HTR7: variants seen among roughly 807,000 people sequenced by gnomAD.
The protein encoded by HTR7 is 5-hydroxytryptamine receptor 7, also known as 5-HT-7.
Under a neutral mutation model 34.0 loss-of-function variants are expected in HTR7, and 16 were observed. The observed-to-expected ratio is 0.47, with a 90% CI of 0.32 to 0.71. HTR7 has a LOEUF of 0.71. HTR7 is among the 30% of genes least tolerant of loss of function. The pLI is 0.04. For missense variants in HTR7, 504 were observed against 625.5 expected (o/e 0.81, Z 2.07); for synonymous variants, 265 against 260.2 (o/e 1.02, Z -0.18).
At chr10:90,804,838 T>C (rs1032456273) in intron 1 of HTR7, among the ~76,000 whole-genome samples, 7 of 152,296 alleles carry the variant, frequency 4.6e-5, no homozygotes, top group African/African-American at 1.7e-4. Flanking sequence ...TCCTGTCTGT[T>C]CCTCCTTCCT....
intron 1 of HTR7, among the ~76,000 whole-genome samples, chr10:90,750,806 CACTT>C (rs1437639719): frequency 7.9e-5 from 12 of 152,190 alleles, no homozygotes; most frequent in Non-Finnish European, 1.5e-4. Context: ...ATCACTATAA[CACTT>C]ACAGGAAGAC....
intron 1 of HTR7, among the ~76,000 whole-genome samples, chr10:90,842,503 C>T (rs1846345006): frequency 6.6e-6 from 1 of 152,134 alleles, no homozygotes; most frequent in Non-Finnish European, 1.5e-5. Context: ...CCTCCCTGTC[C>T]TCATCACCCA....
intron 1 of HTR7, among the ~76,000 whole-genome samples, chr10:90,822,673 G>A (rs1259884668): frequency 2.0e-5 from 3 of 152,206 alleles, no homozygotes; most frequent in Admixed American, 2.0e-4. Flanking sequence ...AAGACAATGG[G>A]GAATATGCCC....
intron 1 of HTR7, among the ~76,000 whole-genome samples, chr10:90,793,737 A>C (rs1280104463): frequency 1.3e-5 from 2 of 152,118 alleles, no homozygotes; most frequent in Non-Finnish European, 2.9e-5. Flanking sequence ...GGTGAGGAGC[A>C]AGGAAGCCAG....
At chr10:90,775,159 TA>T (rs974907655) in intron 1 of HTR7, among the ~76,000 whole-genome samples, 2 of 152,256 alleles carry the variant, frequency 1.3e-5, no homozygotes, top group African/African-American at 4.8e-5. Context: ...TTGCTTCACT[TA>T]AACTTATTTC....
chr10:90,815,136 G>C (rs1845879160), intron 1 of HTR7, among the ~76,000 whole-genome samples: 1 of 150,770 alleles, frequency 6.6e-6, no homozygotes, highest in South Asian at 2.1e-4. Context: ...CTGTTGCCCA[G>C]GCTGAAGTGC....
chr10:90,839,885 G>A (rs957720886), intron 1 of HTR7, among the ~76,000 whole-genome samples: 2 of 152,092 alleles, frequency 1.3e-5, no homozygotes, highest in Admixed American at 6.5e-5. Flanking sequence ...GGAATTGACT[G>A]TAAAGCAGTA....
At chr10:90,765,013 C>T (rs1425995818) in intron 1 of HTR7, among the ~76,000 whole-genome samples, 1 of 152,078 alleles carries the variant, frequency 6.6e-6, no homozygotes, top group Non-Finnish European at 1.5e-5. Flanking sequence ...AGTCCTCATC[C>T]AACTATGGTA....
intron 1 of HTR7, among the ~76,000 whole-genome samples, chr10:90,840,549 G>T (rs767103120): frequency 1.3e-5 from 2 of 152,170 alleles, no homozygotes; most frequent in African/African-American, 4.8e-5. Flanking sequence ...TGTGACACAG[G>T]CATGGAGTTT....
intron 1 of HTR7, among the ~76,000 whole-genome samples, chr10:90,770,477 C>G (rs997540154): frequency 1.3e-5 from 2 of 152,176 alleles, no homozygotes; most frequent in Non-Finnish European, 2.9e-5. Flanking sequence ...GTCTCTGACT[C>G]TGTATCCTCA....
chr10:90,773,697 T>C (rs1435074040), intron 1 of HTR7, among the ~76,000 whole-genome samples: 1 of 152,206 alleles, frequency 6.6e-6, no homozygotes, highest in Non-Finnish European at 1.5e-5. Context: ...TGAAAACATG[T>C]GATGTTTGCC....
At chr10:90,834,951 G>C (rs1345429158) in intron 1 of HTR7, among the ~76,000 whole-genome samples, 1 of 152,132 alleles carries the variant, frequency 6.6e-6, no homozygotes, top group Admixed American at 6.5e-5. Flanking sequence ...GTGATATCTT[G>C]GGACAGGGAA....
At chr10:90,806,919 A>C (rs1445718320) in intron 1 of HTR7, among the ~76,000 whole-genome samples, 3 of 152,186 alleles carry the variant, frequency 2.0e-5, no homozygotes. Flanking sequence ...GGGCAACAAA[A>C]AGTACCTCTG....
intron 1 of HTR7, among the ~76,000 whole-genome samples, chr10:90,788,241 G>C (rs981377219): frequency 2.6e-5 from 4 of 152,064 alleles, no homozygotes; most frequent in Non-Finnish European, 5.9e-5. Flanking sequence ...CAGCTGATCT[G>C]ATAACCCCCC....
intron 1 of HTR7, among the ~76,000 whole-genome samples, chr10:90,821,527 G>C (rs1328246210): frequency 6.6e-6 from 1 of 152,208 alleles, no homozygotes; most frequent in Non-Finnish European, 1.5e-5. Context: ...AAGGTGCTCT[G>C]GGGTCTTAAA....
chr10:90,852,872 G>C (rs1031460503), intron 1 of HTR7, among the ~76,000 whole-genome samples: 1 of 152,068 alleles, frequency 6.6e-6, no homozygotes, highest in Non-Finnish European at 1.5e-5. Context: ...GGAGAGGAGG[G>C]GACCTCTGGG....
chr10:90,796,474 G>A (rs144698546), intron 1 of HTR7, among the ~76,000 whole-genome samples: 1 of 152,174 alleles, frequency 6.6e-6, no homozygotes, highest in Non-Finnish European at 1.5e-5. Flanking sequence ...TTTAGACCAG[G>A]TGTGGTGGCT....
chr10:90,827,048 A>G (rs941109974), intron 1 of HTR7, among the ~76,000 whole-genome samples: 2 of 152,034 alleles, frequency 1.3e-5, no homozygotes, highest in African/African-American at 4.8e-5. Context: ...AACAAAACAT[A>G]CCACAAATAT....
At chr10:90,761,633 C>CGTGTGTGT (rs3981197) in intron 1 of HTR7, among the ~76,000 whole-genome samples, 103 of 147,482 alleles carry the variant, frequency 7.0e-4, no homozygotes, top group Middle Eastern at 7.1e-3. Flanking sequence ...TGTGTGTATG[C>CGTGTGTGT]GTGTGTGTGT....
Sources: allele counts gnomAD v4.1 joint callset (sites outside exome capture counted in the v4.1 genomes callset), GRCh38; gene constraint gnomAD v4.1.1; transcripts MANE v1.5; gene names NCBI Gene and HGNC (gene_info 2026-07-23, HGNC 2026-07-21).